ABCB7: variants seen among roughly 807,000 people sequenced by gnomAD.
ABCB7 encodes ATP binding cassette subfamily B member 7, also known as iron-sulfur clusters transporter ABCB7, mitochondrial.
Under a neutral mutation model 54.4 loss-of-function variants are expected in ABCB7, and 7 were observed. The ratio of observed to expected loss-of-function variants is 0.13; its 90% CI spans 0.07 to 0.24. The LOEUF (loss-of-function observed/expected upper bound fraction) is 0.24. Ranked by LOEUF, ABCB7 falls within the 10% of genes least tolerant of loss-of-function variation. The probability of loss-of-function intolerance (pLI) is 1.00; values close to 1 mark genes in which losing one functional copy is unlikely to be tolerated. For missense variants in ABCB7, 356 were observed against 570.4 expected, an observed-to-expected ratio of 0.62 and a Z score of 3.83; for synonymous variants, 218 against 207.1, an observed-to-expected ratio of 1.05 and a Z score of -0.45.
chrX:75,119,528 T>C (rs765331253), intron 1 of ABCB7, among the ~76,000 whole-genome samples: 3 of 112,389 alleles, frequency 2.7e-5, no homozygotes, highest in Admixed American at 1.9e-4. Flanking sequence ...TCTTACCTTA[T>C]GGTCAAACAT....
chrX:75,111,046 C>A (rs2081755660), intron 3 of ABCB7, among the ~76,000 whole-genome samples: 1 of 47,647 alleles, frequency 2.1e-5, no homozygotes, highest in South Asian at 6.4e-4. Flanking sequence ...ATCGCTTGGG[C>A]CCAGGAGTTC....
At chrX:75,112,768 G>A in intron 3 of ABCB7, 118 bp downstream of exon 3, 1 of 538,678 alleles carries the variant, frequency 1.9e-6, no homozygotes, top group Admixed American at 2.7e-5. Flanking sequence ...TTTCATTAGA[G>A]AACATGCAGT....
At chrX:75,143,315 C>T (rs1369478288) in intron 1 of ABCB7, among the ~76,000 whole-genome samples, 1 of 111,838 alleles carries the variant, frequency 8.9e-6, no homozygotes, top group Non-Finnish European at 1.9e-5. Flanking sequence ...GTCATCTCTG[C>T]TCCAGTCCCC....
intron 4 of ABCB7, among the ~76,000 whole-genome samples, chrX:75,080,200 C>A (rs2081444444): frequency 8.9e-6 from 1 of 112,118 alleles, no homozygotes; most frequent in Non-Finnish European, 1.9e-5. Flanking sequence ...ATATAAGTTT[C>A]CATTCATCTG....
chrX:75,098,739 T>C (rs1422954914), intron 4 of ABCB7, among the ~76,000 whole-genome samples: 3 of 111,890 alleles, frequency 2.7e-5, no homozygotes, highest in Non-Finnish European at 5.6e-5. Context: ...ATTCCACTAA[T>C]TCTGTGAGAA....
intron 1 of ABCB7, among the ~76,000 whole-genome samples, chrX:75,123,657 A>G (rs949264771): frequency 8.9e-6 from 1 of 111,937 alleles, no homozygotes; most frequent in Non-Finnish European, 1.9e-5. Context: ...AAATCTTTCC[A>G]TTTATTTGTG....
chrX:75,122,509 T>C (rs2081888827), intron 1 of ABCB7, among the ~76,000 whole-genome samples: 1 of 112,933 alleles, frequency 8.9e-6, no homozygotes, highest in Admixed American at 9.3e-5. Context: ...TTTGATATGC[T>C]GATTTCATTT....
At chrX:75,112,750 G>GTTTTTTTTTTT (rs4148838) in intron 3 of ABCB7, 136 bp downstream of exon 3, 1 of 314,139 alleles carries the variant, frequency 3.2e-6, no homozygotes, top group Non-Finnish European at 5.7e-6. Context: ...CAATTAATAT[G>GTTTTTTTTTTT]TTTTTTTTTT....
chrX:75,101,846 T>C (rs2081642538), intron 3 of ABCB7, among the ~76,000 whole-genome samples: 1 of 111,735 alleles, frequency 8.9e-6, no homozygotes, highest in Non-Finnish European at 1.9e-5. Flanking sequence ...AGCAAGAAAA[T>C]TATTCTAGTT....
chrX:75,109,965 G>T (rs1157035106), intron 3 of ABCB7, among the ~76,000 whole-genome samples: 1 of 112,058 alleles, frequency 8.9e-6, no homozygotes, highest in East Asian at 2.8e-4. Context: ...AATTTTTATT[G>T]TGTTGTTGGA....
chrX:75,057,151 TTC>T (rs1477370235), intron 15 of ABCB7, among the ~76,000 whole-genome samples: 1 of 111,999 alleles, frequency 8.9e-6, no homozygotes, highest in Non-Finnish European at 1.9e-5. Flanking sequence ...TAAAACTTCA[TTC>T]TCTTTTCCGT....
At chrX:75,088,596 A>C (rs2081518896) in intron 4 of ABCB7, among the ~76,000 whole-genome samples, 1 of 111,702 alleles carries the variant, frequency 9.0e-6, no homozygotes, top group African/African-American at 3.2e-5. Context: ...TGTCAGTGAA[A>C]ACTTCACAAA....
intron 10 of ABCB7, 120 bp from the exon 11 acceptor site, chrX:75,069,574 GGACT>G: frequency 1.3e-6 from 1 of 747,543 alleles, no homozygotes; most frequent in Non-Finnish European, 2.0e-6. Context: ...GTTTATAAGT[GGACT>G]TAGACCACTT....
intron 1 of ABCB7, among the ~76,000 whole-genome samples, chrX:75,153,845 C>A (rs1430972230): frequency 9.5e-6 from 1 of 105,191 alleles, no homozygotes; most frequent in African/African-American, 3.4e-5. Flanking sequence ...ATGTAAAAAG[C>A]ACTGCTATTT....
intron 1 of ABCB7, among the ~76,000 whole-genome samples, chrX:75,140,866 C>T (rs1203764764): frequency 1.8e-5 from 2 of 111,410 alleles, no homozygotes; most frequent in Admixed American, 1.9e-4. Context: ...AAACCAAGAC[C>T]AAATGTTTCT....
intron 3 of ABCB7, among the ~76,000 whole-genome samples, chrX:75,111,224 C>T (rs1187074443): frequency 1.8e-5 from 2 of 112,344 alleles, no homozygotes; most frequent in African/African-American, 3.2e-5. Context: ...AGTTTCTAGA[C>T]AGCAGAGATT....
intron 4 of ABCB7, among the ~76,000 whole-genome samples, chrX:75,077,046 GGTCT>G (rs2081416377): frequency 9.0e-6 from 1 of 111,555 alleles, no homozygotes; most frequent in South Asian, 3.7e-4. Flanking sequence ...GATCCTTGAG[GGTCT>G]GTGTCATTTT....
At chrX:75,053,687 A>T in intron 15 of ABCB7, 102 bp from the exon 16 acceptor site, 1 of 1,096,874 alleles carries the variant, frequency 9.1e-7, no homozygotes, top group Non-Finnish European at 1.2e-6. Context: ...AAGGATTTGC[A>T]TTCATTAAAA....
chrX:75,052,768 A>T lies in ABCB7; in HGVS notation c.*602T>A, dbSNP rs2081204740. ...ACTCCAGCCTGGGTGACAGAATGAG[A>T]ATCTGTCTCAAAAAAAAAAAACAAC... is the stretch of plus-strand genomic sequence containing the variant. On this transcript the variant is annotated 3_prime_UTR_variant, in exon 16 of 16. Transcript: ENST00000373394. 9.6e-6 allele frequency: 1 copy of T among 103,659 alleles called. No individual in the cohort carries two copies. Among genetic ancestry groups the T allele is most frequent in the Admixed American group, 1.0e-4 (1 of 9,829 alleles). 8.5% of individuals were successfully genotyped at this position (103,659 alleles called of 1,213,427 possible).
Sources: allele counts gnomAD v4.1 joint callset (sites outside exome capture counted in the v4.1 genomes callset), GRCh38; gene constraint gnomAD v4.1.1; transcripts MANE v1.5; gene names NCBI Gene and HGNC (gene_info 2026-07-23, HGNC 2026-07-21).